EIF3A: variants seen among roughly 807,000 people sequenced by gnomAD.
EIF3A encodes EIF3, p180 subunit.
Under a neutral mutation model 186.6 loss-of-function variants are expected in EIF3A, and 21 were observed. The observed-to-expected ratio is 0.11, with a 90% CI of 0.08 to 0.16. EIF3A has a LOEUF of 0.16. EIF3A is among the 10% of genes least tolerant of loss of function. EIF3A has a pLI of 1.00. For missense variants in EIF3A, 1,306 were observed against 1,796.3 expected (o/e 0.73, Z 4.93); for synonymous variants, 563 against 584.3 (o/e 0.96, Z 0.52).
At chr10:119,065,794 G>A (rs566305396) in intron 6 of EIF3A, among the ~76,000 whole-genome samples, 3 of 152,294 alleles carry the variant, frequency 2.0e-5, no homozygotes, top group African/African-American at 7.2e-5. Flanking sequence ...TATCCACTCA[G>A]TACTGTCAGT....
intron 9 of EIF3A, 120 bp from the exon 10 acceptor site, chr10:119,059,838 A>G (rs989712826): frequency 4.2e-6 from 3 of 713,700 alleles, no homozygotes; most frequent in Non-Finnish European, 5.1e-6. Flanking sequence ...TTAGCAGTAC[A>G]TTGTTAAAGC....
intron 17 of EIF3A, among the ~76,000 whole-genome samples, chr10:119,047,885 A>C (rs1848301743): frequency 6.6e-6 from 1 of 152,108 alleles, no homozygotes; most frequent in African/African-American, 2.4e-5. Context: ...AAAATAGAGG[A>C]GCAGAGAAAA....
At chr10:119,061,359 C>A in intron 7 of EIF3A, 31 bp from the exon 8 acceptor site, 3 of 1,003,018 alleles carry the variant, frequency 3.0e-6, no homozygotes, top group South Asian at 1.6e-5. Flanking sequence ...GATGTAACTG[C>A]CAAAGGAAAT....
intron 1 of EIF3A, among the ~76,000 whole-genome samples, chr10:119,075,610 T>TG (rs1844153148): frequency 1.9e-4 from 1 of 5,176 alleles, no homozygotes; most frequent in Non-Finnish European, 6.9e-4. Context: ...AACACTACAC[T>TG]AAAAAAAAAA....
intron 1 of EIF3A, among the ~76,000 whole-genome samples, chr10:119,078,484 G>C (rs1844210381): frequency 6.6e-6 from 1 of 152,172 alleles, no homozygotes; most frequent in Non-Finnish European, 1.5e-5. Context: ...GATAAAATGA[G>C]ATTATTTCCA....
chr10:119,040,794 C>G (rs1040974236), intron 19 of EIF3A, among the ~76,000 whole-genome samples: 3 of 151,996 alleles, frequency 2.0e-5, no homozygotes, highest in African/African-American at 7.2e-5. Context: ...ATCAAGAGGT[C>G]AGGAGATCGA....
chr10:119,052,140 C>T (rs1014455363), intron 14 of EIF3A, among the ~76,000 whole-genome samples: 3 of 152,170 alleles, frequency 2.0e-5, no homozygotes, highest in African/African-American at 7.2e-5. Context: ...AGTAGAATTT[C>T]AATTTGATCC....
rs112058404 is a variant in EIF3A, at chr10:119,056,667, G to C, written c.2196+73C>G. 8.2e-6 allele frequency: 8 copies of C among 977,248 alleles called. No homozygotes were observed. In the African/African-American group the frequency reaches 1.3e-4, roughly 16 times the overall value. The allele number at this position is 977,248 out of a possible 1,614,324, so 60.5% of individuals were successfully genotyped here. On this transcript the variant is annotated intron_variant, in intron 14 of 21. Transcript: ENST00000369144. ...GAAGAATACAAAATAAAGCAATTCT[G>C]AATCCTTGGTTCCATTACTGGCAGA...
intron 7 of EIF3A, among the ~76,000 whole-genome samples, chr10:119,064,642 C>G (rs1843943015): frequency 6.6e-6 from 1 of 152,162 alleles, no homozygotes; most frequent in Non-Finnish European, 1.5e-5. Context: ...ACTTCCTATA[C>G]AGCCTGTGGA....
intron 1 of EIF3A, among the ~76,000 whole-genome samples, chr10:119,077,546 G>C (rs1844197494): frequency 1.3e-5 from 2 of 151,120 alleles, no homozygotes; most frequent in South Asian, 4.2e-4. Flanking sequence ...CAAGAATTTA[G>C]TTCCTCCGAA....
chr10:119,046,814 G>A (rs533583139), intron 17 of EIF3A, among the ~76,000 whole-genome samples: 12 of 151,630 alleles, frequency 7.9e-5, no homozygotes, highest in South Asian at 6.2e-4. Context: ...AAAATTAGCC[G>A]GGCATGGTGG....
chr10:119,048,069 A>G (rs939024077), intron 17 of EIF3A, among the ~76,000 whole-genome samples: 17 of 152,206 alleles, frequency 1.1e-4, no homozygotes, highest in Non-Finnish European at 1.9e-4. Context: ...TAAGAAGAAA[A>G]TAGTGTCAGA....
intron 14 of EIF3A, among the ~76,000 whole-genome samples, chr10:119,051,848 T>C (rs1289238186): frequency 6.6e-6 from 1 of 152,262 alleles, no homozygotes; most frequent in Non-Finnish European, 1.5e-5. Flanking sequence ...CTGGACAACA[T>C]GGTGAGACTC....
chr10:119,071,883 A>G (rs1844076592), intron 4 of EIF3A, among the ~76,000 whole-genome samples: 1 of 151,870 alleles, frequency 6.6e-6, no homozygotes, highest in African/African-American at 2.4e-5. Flanking sequence ...AAATTAGCCG[A>G]GCATGGCAGC....
intron 7 of EIF3A, among the ~76,000 whole-genome samples, chr10:119,064,572 G>A (rs770184612): frequency 1.1e-4 from 16 of 152,076 alleles, no homozygotes; most frequent in East Asian, 1.9e-4. Flanking sequence ...CCTGCTTCCC[G>A]TTCCCCTTCC....
rs533871637 is a variant in EIF3A at position 119,051,355 on chromosome 10, C to T, written c.2197-34G>A. ...ACAAATATTGTGAAATTTCAATGCA[C>T]TTTTTTTTTTACTCATTAACCCCAA... On this transcript the variant is annotated intron_variant, in intron 14 of 21. Coordinates refer to ENST00000369144, the MANE Select transcript of EIF3A (RefSeq NM_003750.4). 21 of 1,361,410 alleles carry T rather than the reference C, an allele frequency of 1.5e-5. No homozygotes were observed. The South Asian group carries it at 2.6e-4, about 17-fold the overall frequency. The allele number at this position is 1,361,410 out of a possible 1,614,324, so 84.3% of individuals were successfully genotyped here.
chr10:119,061,179 G>T, intron 8 of EIF3A, 45 bp downstream of exon 8: 2 of 1,124,438 alleles, frequency 1.8e-6, no homozygotes, highest in Non-Finnish European at 2.6e-6. Context: ...ACTGCAAGAA[G>T]GCCAACTCTG....
rs765480516 is a variant in EIF3A, at chr10:119,073,549, A to G, written c.269T>C (p.Val90Ala). Residue 90 changes from valine (V) to alanine (A), a missense_variant, in exon 3 of 22, where the codon GTT (valine) becomes GCT (alanine). Coordinates refer to ENST00000369144, the MANE Select transcript of EIF3A (RefSeq NM_003750.4). ...CTCTGCCATTTTCAAATATGCCCTAACAACATCCTCCAGAGATTTTATGTT... is the reference window on the plus strand; with the variant it reads ...CTCTGCCATTTTCAAATATGCCCTAGCAACATCCTCCAGAGATTTTATGTT... ...QVNIKSLEDV[V>A]RAYLKMAEEK... 1 of 1,613,206 alleles carries G rather than the reference A, an allele frequency of 6.2e-7. No homozygotes were observed. The highest frequency in any genetic ancestry group is 2.2e-5 in the East Asian group (1 of 44,848).
chr10:119,047,826 CTA>C (rs1482069825), intron 17 of EIF3A, among the ~76,000 whole-genome samples: 2 of 152,056 alleles, frequency 1.3e-5, no homozygotes, highest in African/African-American at 4.8e-5. Flanking sequence ...ACATAAATAA[CTA>C]GTATCAAGTG....
Sources: gnomAD v4.1 joint callset for allele counts (sites outside exome capture counted in the v4.1 genomes callset) on GRCh38, gnomAD v4.1.1 for gene constraint, MANE v1.5 for transcripts, NCBI Gene and HGNC (gene_info 2026-07-23, HGNC 2026-07-21) for gene names.